The following LRRTM3 variants were observed in gnomAD, a reference collection of about 807,000 sequenced individuals.
LRRTM3 encodes leucine-rich repeat transmembrane neuronal protein 3.
LRRTM3 carries 24 observed loss-of-function variants against 44.7 expected under a neutral mutation model. That is an observed-to-expected ratio of 0.54 (90% CI 0.39 to 0.76). The LOEUF (loss-of-function observed/expected upper bound fraction) is 0.76, where lower values mean the gene tolerates loss of function less well. Ranked by LOEUF, LRRTM3 falls within the 30% of genes least tolerant of loss-of-function variation. The pLI is 0.00. For missense variants in LRRTM3, 587 were observed against 702.2 expected, an observed-to-expected ratio of 0.84 and a Z score of 1.85; for synonymous variants, 277 against 278.7, an observed-to-expected ratio of 0.99 and a Z score of 0.06.
chr10:66,998,789 A>G (rs1851514062), intron 2 of LRRTM3, among the ~76,000 whole-genome samples: 1 of 152,154 alleles, frequency 6.6e-6, no homozygotes, highest in African/African-American at 2.4e-5. Context: ...CTTATAACTG[A>G]TACATCAGGC....
At position 66,927,940 on chromosome 10, in the gene LRRTM3, A is replaced by G; in HGVS notation, c.1024A>G (p.Ser342Gly). 1 of 1,614,256 alleles carries G rather than the reference A, an allele frequency of 6.2e-7. No homozygotes were observed. Among genetic ancestry groups the G allele is most frequent in the Non-Finnish European group, 8.5e-7 (1 of 1,180,052 alleles). ...GLRENTIICA[S>G]PKELQGVNVI... ...AAGGGAGAATACAATTATCTGTGCC[A>G]GTCCCAAAGAGCTGCAAGGAGTAAA... is the stretch of plus-strand genomic sequence containing the variant. The change falls in exon 2 of 3, where the codon AGT (serine) becomes GGT (glycine). Residue 342 changes from serine to glycine, a missense_variant. This residue lies in a region of LRRTM3 where 315 missense variants were observed against 335.6 expected (regional missense o/e 0.94). Transcript: ENST00000361320. The surrounding 1 kb of genome is among the most constrained non-coding windows in gnomAD (Gnocchi z 4.7).
At chr10:67,077,356 T>C (rs1856794791) in intron 2 of LRRTM3, among the ~76,000 whole-genome samples, 1 of 152,168 alleles carries the variant, frequency 6.6e-6, no homozygotes, top group African/African-American at 2.4e-5. Flanking sequence ...TCAAAATCCC[T>C]AAAAATTTAT....
At chr10:67,022,357 G>A (rs898983518) in intron 2 of LRRTM3, among the ~76,000 whole-genome samples, 7 of 152,130 alleles carry the variant, frequency 4.6e-5, no homozygotes, top group African/African-American at 1.7e-4. Context: ...GTCTGTGTGT[G>A]TGTGTTCTAT....
chr10:66,999,319 A>G (rs1851546999), intron 2 of LRRTM3, among the ~76,000 whole-genome samples: 1 of 152,182 alleles, frequency 6.6e-6, no homozygotes, highest in Non-Finnish European at 1.5e-5. Context: ...CGACACTGGA[A>G]TCTGAAATTA....
chr10:66,996,649 C>CAAAAAAAAAAAAAAAAAAAA lies in LRRTM3; in HGVS notation c.1536+68200_1536+68219dup, dbSNP rs57025097. 3.0e-4 allele frequency among the ~76,000 whole-genome samples: 20 copies of CAAAAAAAAAAAAAAAAAAAA among 67,638 alleles called. 3 individuals are homozygous for CAAAAAAAAAAAAAAAAAAAA. The highest frequency in any genetic ancestry group is 0.016 in the Middle Eastern group (1 of 64). 44.4% of individuals were successfully genotyped at this position (67,638 alleles called of 152,430 possible). On this transcript the variant is annotated intron_variant, in intron 2 of 2. Transcript: ENST00000361320. ...GTGAGAGAGTGAGACTCCGTCTCTA[C>CAAAAAAAAAAAAAAAAAAAA]AAAAAAAAAAAAAAAAAAAAAAGCA...
intron 2 of LRRTM3, among the ~76,000 whole-genome samples, chr10:66,966,188 T>TA (rs958141430): frequency 2.6e-5 from 4 of 151,976 alleles, no homozygotes; most frequent in African/African-American, 9.7e-5. Context: ...TTACATATTT[T>TA]AACCATCAGC....
intron 2 of LRRTM3, among the ~76,000 whole-genome samples, chr10:67,093,689 C>T (rs1465132131): frequency 6.6e-6 from 1 of 151,890 alleles, no homozygotes; most frequent in African/African-American, 2.4e-5. Flanking sequence ...CAAAAGATTG[C>T]TGAATTCACA....
intron 2 of LRRTM3, among the ~76,000 whole-genome samples, chr10:67,058,244 G>A (rs1468993765): frequency 1.3e-5 from 2 of 152,110 alleles, no homozygotes; most frequent in Non-Finnish European, 2.9e-5. Context: ...ACTTACAAAA[G>A]TATTCTGGGA....
intron 2 of LRRTM3, among the ~76,000 whole-genome samples, chr10:66,964,163 T>G (rs940880126): frequency 6.6e-6 from 1 of 152,126 alleles, no homozygotes; most frequent in South Asian, 2.1e-4. Context: ...CATCAATTTC[T>G]GTCCACAGTA....
intron 2 of LRRTM3, among the ~76,000 whole-genome samples, chr10:66,977,513 G>A (rs1168940761): frequency 6.6e-6 from 1 of 151,920 alleles, no homozygotes. Flanking sequence ...GAAACTACAA[G>A]AGTGGCCTCT....
intron 2 of LRRTM3, among the ~76,000 whole-genome samples, chr10:67,063,121 C>T (rs193044417): frequency 5.1e-4 from 78 of 152,232 alleles, no homozygotes; most frequent in Non-Finnish European, 1.1e-3. Context: ...CCAATAAGAA[C>T]TCATTATCAG....
chr10:67,075,507 T>C (rs1333502603), intron 2 of LRRTM3, among the ~76,000 whole-genome samples: 2 of 152,124 alleles, frequency 1.3e-5, no homozygotes, highest in Non-Finnish European at 2.9e-5. Flanking sequence ...AAGTTGGAAA[T>C]ACTTAAGATT....
At chr10:67,049,884 A>T (rs544356971) in intron 2 of LRRTM3, among the ~76,000 whole-genome samples, 1 of 152,350 alleles carries the variant, frequency 6.6e-6, no homozygotes, top group Non-Finnish European at 1.5e-5. Flanking sequence ...AGCCTATGTT[A>T]TTCTAAGCAT....
chr10:66,974,795 C>A (rs1015673566), intron 2 of LRRTM3, among the ~76,000 whole-genome samples: 1 of 151,268 alleles, frequency 6.6e-6, no homozygotes, highest in Admixed American at 6.6e-5. Context: ...ATGTGCTTAC[C>A]AACCATTTGT....
intron 2 of LRRTM3, among the ~76,000 whole-genome samples, chr10:67,092,344 CACTT>C (rs1857696135): frequency 6.6e-6 from 1 of 151,900 alleles, no homozygotes; most frequent in East Asian, 1.9e-4. Flanking sequence ...TCAGACATAA[CACTT>C]ACCAAGCAAA....
intron 2 of LRRTM3, among the ~76,000 whole-genome samples, chr10:67,047,585 A>G (rs533109736): frequency 4.2e-4 from 64 of 152,242 alleles, no homozygotes; most frequent in African/African-American, 1.5e-3. Flanking sequence ...CTTTACCTTC[A>G]TCGTTTCAGG....
intron 2 of LRRTM3, among the ~76,000 whole-genome samples, chr10:67,063,438 G>T (rs1855880843): frequency 6.6e-6 from 1 of 152,104 alleles, no homozygotes; most frequent in African/African-American, 2.4e-5. Context: ...TAAAGAAAAG[G>T]TTATGAGTAC....
At chr10:66,977,301 TGGCTGGTACCTGTA>T (rs1850099908) in intron 2 of LRRTM3, among the ~76,000 whole-genome samples, 1 of 152,050 alleles carries the variant, frequency 6.6e-6, no homozygotes, top group South Asian at 2.1e-4. Flanking sequence ...CTGGGTGTGG[TGGCTGGTACCTGTA>T]GTCCCAGCTA....
intron 2 of LRRTM3, chr10:67,052,654 A>C (rs1855182319): frequency 6.6e-6 from 1 of 152,182 alleles, no homozygotes; most frequent in South Asian, 2.1e-4. Context: ...ATCTCTATTA[A>C]GAGGATGAGG....
Sources: gnomAD v4.1 joint callset for allele counts (sites outside exome capture counted in the v4.1 genomes callset) on GRCh38, gnomAD v4.1.1 for gene constraint, gnomAD v4.1.1 regional missense constraint, Gnocchi (gnomAD v3.1) non-coding constraint, MANE v1.5 for transcripts, NCBI Gene and HGNC (gene_info 2026-07-23, HGNC 2026-07-21) for gene names.